Variants in AHCYL2 observed in about 807,000 individuals in gnomAD.
The protein encoded by AHCYL2 is adenosylhomocysteinase like 2, also known as S-adenosylhomocysteine hydrolase-like protein 2.
AHCYL2 carries 28 observed loss-of-function variants against 81.4 expected under a neutral mutation model. The ratio of observed to expected loss-of-function variants is 0.34; its 90% CI spans 0.25 to 0.47. AHCYL2 has a LOEUF of 0.47. Among genes scored for constraint, AHCYL2 ranks in the 20% least tolerant of loss-of-function variants. The pLI, the probability that AHCYL2 is intolerant of heterozygous loss-of-function variation, is 1.00. For synonymous variants in AHCYL2, 272 were observed against 290.2 expected (o/e 0.94, Z 0.64); for missense variants, 551 against 785.1 (o/e 0.70, Z 3.56).
intron 1 of AHCYL2, among the ~76,000 whole-genome samples, chr7:129,324,911 A>G (rs918462892): frequency 6.6e-6 from 1 of 152,142 alleles, no homozygotes; most frequent in East Asian, 1.9e-4. Flanking sequence ...CACCTCCTTC[A>G]TGTGATATTA....
chr7:129,230,079 C>CTTTTTTTTTTT (rs35056717), intron 1 of AHCYL2, among the ~76,000 whole-genome samples: 2 of 109,432 alleles, frequency 1.8e-5, no homozygotes, highest in Non-Finnish European at 1.9e-5. Flanking sequence ...TTATTTAATT[C>CTTTTTTTTTTT]TTTTTTTTTT....
At chr7:129,361,831 C>T (rs1319248081) in intron 1 of AHCYL2, among the ~76,000 whole-genome samples, 7 of 151,614 alleles carry the variant, frequency 4.6e-5, no homozygotes, top group African/African-American at 9.7e-5. Flanking sequence ...TGCTATGTTG[C>T]TCAGGCTGAA....
chr7:129,372,818 C>CA (rs1327491815), intron 1 of AHCYL2, among the ~76,000 whole-genome samples: 2 of 151,304 alleles, frequency 1.3e-5, no homozygotes, highest in South Asian at 2.1e-4. Flanking sequence ...ACCATCCCCC[C>CA]AAAAAAAAGA....
At chr7:129,423,084 G>A (rs1797191700) in intron 13 of AHCYL2, 146 bp downstream of exon 13, 2 of 626,898 alleles carry the variant, frequency 3.2e-6, no homozygotes, top group Non-Finnish European at 5.3e-6. Flanking sequence ...ACTTCTAATT[G>A]TGAAAGATCT....
intron 6 of AHCYL2, among the ~76,000 whole-genome samples, chr7:129,401,570 G>C (rs778201273): frequency 5.3e-5 from 8 of 152,208 alleles, no homozygotes; most frequent in Non-Finnish European, 1.2e-4. Context: ...CACTGCACCA[G>C]GCTTGTTTGA....
chr7:129,274,705 G>A (rs528438701), intron 1 of AHCYL2, among the ~76,000 whole-genome samples: 1 of 152,114 alleles, frequency 6.6e-6, no homozygotes, highest in Non-Finnish European at 1.5e-5. Flanking sequence ...ATAGAACCCG[G>A]TCACCATGCT....
chr7:129,226,057 T>C (rs1044907258), intron 1 of AHCYL2, among the ~76,000 whole-genome samples: 2 of 152,242 alleles, frequency 1.3e-5, no homozygotes, highest in South Asian at 4.1e-4. Flanking sequence ...CCTCACTCTT[T>C]CGTGTTAAGA....
chr7:129,290,548 C>T (rs1322388512), intron 1 of AHCYL2, among the ~76,000 whole-genome samples: 2 of 150,854 alleles, frequency 1.3e-5, no homozygotes, highest in African/African-American at 4.9e-5. Context: ...GAGCAAAGTC[C>T]AGTATTACTT....
chr7:129,399,141 C>CAAAAAA (rs71162600), intron 5 of AHCYL2, among the ~76,000 whole-genome samples: 2 of 44,954 alleles, frequency 4.4e-5, no homozygotes, highest in Non-Finnish European at 7.3e-5. Context: ...GACTCCATCT[C>CAAAAAA]AAAAAAAAAA....
rs1334809885 is a variant in AHCYL2 at position 129,428,019 on chromosome 7, A to T, written c.*974A>T. 1 of 152,236 alleles carries T rather than the reference A, an allele frequency of 6.6e-6. No homozygotes were observed. Among genetic ancestry groups the T allele is most frequent in the Non-Finnish European group, 1.5e-5 (1 of 68,044 alleles). The allele number at this position is 152,236 out of a possible 1,614,324, so 9.4% of individuals were successfully genotyped here. On this transcript the variant is annotated 3_prime_UTR_variant, in exon 17 of 17. Transcript: ENST00000325006. ...GGACTTAGGGGGATAGGCTTTGGAA[A>T]TGGGACAGGTCTTTCAGACTCACAG...
intron 1 of AHCYL2, among the ~76,000 whole-genome samples, chr7:129,251,317 A>ATTTT (rs3042851): frequency 7.3e-4 from 87 of 119,482 alleles, no homozygotes; most frequent in African/African-American, 2.6e-3. Flanking sequence ...GATAGTAAAG[A>ATTTT]TTTTTTTTTT....
At chr7:129,340,670 C>T (rs1290810152) in intron 1 of AHCYL2, among the ~76,000 whole-genome samples, 1 of 150,714 alleles carries the variant, frequency 6.6e-6, no homozygotes, top group Non-Finnish European at 1.5e-5. Context: ...TTTTAAATTC[C>T]ATTATTTTTA....
At chr7:129,350,273 A>G (rs1793510030) in intron 1 of AHCYL2, among the ~76,000 whole-genome samples, 1 of 152,204 alleles carries the variant, frequency 6.6e-6, no homozygotes, top group Admixed American at 6.5e-5. Flanking sequence ...CTCAGTTGTG[A>G]AATGGTGATA....
intron 1 of AHCYL2, among the ~76,000 whole-genome samples, chr7:129,279,454 C>CA (rs1326306457): frequency 6.6e-6 from 1 of 152,098 alleles, no homozygotes; most frequent in Non-Finnish European, 1.5e-5. Flanking sequence ...ATCTTTTGTC[C>CA]AATGTATCGA....
intron 1 of AHCYL2, among the ~76,000 whole-genome samples, chr7:129,235,948 TTG>T (rs1794628289): frequency 6.6e-6 from 1 of 152,140 alleles, no homozygotes; most frequent in Non-Finnish European, 1.5e-5. Flanking sequence ...GTATGCATTT[TTG>T]TGTGTGTACA....
chr7:129,372,674 A>G (rs1794466402), intron 1 of AHCYL2, among the ~76,000 whole-genome samples: 1 of 152,100 alleles, frequency 6.6e-6, no homozygotes, highest in South Asian at 2.1e-4. Context: ...TAAGCCAGGC[A>G]TGGTTGGTGT....
chr7:129,322,275 G>C (rs1798064993), intron 1 of AHCYL2, among the ~76,000 whole-genome samples: 1 of 151,878 alleles, frequency 6.6e-6, no homozygotes, highest in Non-Finnish European at 1.5e-5. Context: ...GAGTAGCTGG[G>C]ATTACAGGTG....
intron 1 of AHCYL2, among the ~76,000 whole-genome samples, chr7:129,278,920 CTGTT>C (rs1179290760): frequency 6.6e-6 from 1 of 152,132 alleles, no homozygotes; most frequent in Non-Finnish European, 1.5e-5. Context: ...TTCCATTGAT[CTGTT>C]TGTCTAACTT....
At chr7:129,300,911 T>C (rs951520425) in intron 1 of AHCYL2, among the ~76,000 whole-genome samples, 3 of 152,210 alleles carry the variant, frequency 2.0e-5, no homozygotes, top group African/African-American at 4.8e-5. Context: ...CTCAGCTCAC[T>C]GCAATCTCCA....
Sources: gnomAD v4.1 joint callset for allele counts (sites outside exome capture counted in the v4.1 genomes callset) on GRCh38, gnomAD v4.1.1 for gene constraint, MANE v1.5 for transcripts, NCBI Gene and HGNC (gene_info 2026-07-23, HGNC 2026-07-21) for gene names.